Variants in KCTD1 observed in about 807,000 individuals in gnomAD.
The protein encoded by KCTD1 is potassium channel tetramerization domain containing 1.
KCTD1 carries 24 observed loss-of-function variants against 66.0 expected under a neutral mutation model. The ratio of observed to expected loss-of-function variants is 0.36; its 90% CI spans 0.26 to 0.51. The LOEUF (loss-of-function observed/expected upper bound fraction) is 0.51. Ranked by LOEUF, KCTD1 falls within the 20% of genes least tolerant of loss-of-function variation. The probability of loss-of-function intolerance (pLI) is 0.95; values close to 1 mark genes in which losing one functional copy is unlikely to be tolerated. For synonymous variants in KCTD1, 511 were observed against 517.2 expected (o/e 0.99, Z 0.16); for missense variants, 943 against 1,205.2 (o/e 0.78, Z 3.22).
intron 1 of KCTD1, among the ~76,000 whole-genome samples, chr18:26,647,542 A>G (rs1463792023): frequency 4.6e-5 from 5 of 107,852 alleles, no homozygotes; most frequent in African/African-American, 1.6e-4. Context: ...AAAAAAAAAA[A>G]AAAAAAAAAA....
intron 1 of KCTD1, among the ~76,000 whole-genome samples, chr18:26,615,062 TAGA>T (rs1362929887): frequency 1.3e-5 from 2 of 152,150 alleles, no homozygotes; most frequent in Non-Finnish European, 2.9e-5. Flanking sequence ...ATGCAATCAG[TAGA>T]AGGACAGAAT....
intron 4 of KCTD1, chr18:26,456,695 G>T (rs1373970751): frequency 6.6e-6 from 1 of 152,006 alleles, no homozygotes; most frequent in Non-Finnish European, 1.5e-5. Flanking sequence ...AAAACCTAAC[G>T]CCAGCAAGAT....
chr18:26,648,379 C>A (rs1461157214), intron 1 of KCTD1, among the ~76,000 whole-genome samples: 1 of 152,076 alleles, frequency 6.6e-6, no homozygotes, highest in African/African-American at 2.4e-5. Context: ...GAGCATAAGC[C>A]CCATATACTC....
chr18:26,550,882 C>T (rs1985539188), upstream of KCTD1, among the ~76,000 whole-genome samples: 1 of 152,224 alleles, frequency 6.6e-6, no homozygotes. This position sits in a 1 kb window ranked among gnomAD's most constrained non-coding sequence, Gnocchi z 5.4. Flanking sequence ...TTTCGGGCCG[C>T]GGTGCGGAGA....
At chr18:26,548,832 G>GAA, upstream of KCTD1, 1 of 959,422 alleles carries the variant, frequency 1.0e-6, no homozygotes, top group Non-Finnish European at 1.3e-6. Flanking sequence ...AACTTTGAAG[G>GAA]AAAAAAAAAA....
chr18:26,559,653 A>G (rs990142183), intron 1 of KCTD1, among the ~76,000 whole-genome samples: 17 of 152,186 alleles, frequency 1.1e-4, no homozygotes, highest in African/African-American at 3.9e-4. Context: ...CTCTGGGTCA[A>G]TTCAGGAGGA....
chr18:26,632,524 T>C (rs576917538), upstream of KCTD1, among the ~76,000 whole-genome samples: 2 of 152,202 alleles, frequency 1.3e-5, no homozygotes, highest in African/African-American at 2.4e-5. Context: ...AAATAAACAA[T>C]TGGAAAGAAG....
chr18:26,475,988 A>G (rs867332037), intron 3 of KCTD1, among the ~76,000 whole-genome samples: 11 of 152,254 alleles, frequency 7.2e-5, no homozygotes, highest in Admixed American at 5.9e-4. Flanking sequence ...GTCAGCTGCA[A>G]AAATTACATT....
intron 3 of KCTD1, among the ~76,000 whole-genome samples, chr18:26,464,651 T>C (rs1293333259): frequency 1.3e-5 from 2 of 152,234 alleles, no homozygotes; most frequent in Non-Finnish European, 1.5e-5. Flanking sequence ...TTTTAAAAAC[T>C]GTGTAGGTGC....
At chr18:26,514,265 GGA>G (rs1283387542) in intron 1 of KCTD1, among the ~76,000 whole-genome samples, 1 of 152,130 alleles carries the variant, frequency 6.6e-6, no homozygotes, top group Non-Finnish European at 1.5e-5. Context: ...GTGTGGGGGA[GGA>G]GAGAGCCAAG....
At chr18:26,567,488 GT>G (rs201110977) in intron 1 of KCTD1, among the ~76,000 whole-genome samples, 45,098 of 112,492 alleles carry the variant, frequency 0.4, 7,294 homozygotes, top group Non-Finnish European at 0.47. Context: ...TGTTGTTGTT[GT>G]TTTTTTTTTT....
chr18:26,508,728 TCACA>T (rs33932453), intron 1 of KCTD1, among the ~76,000 whole-genome samples: 96 of 150,216 alleles, frequency 6.4e-4, no homozygotes, highest in South Asian at 5.1e-3. Flanking sequence ...TCTCTCTCTC[TCACA>T]CACACACACA....
intron 1 of KCTD1, among the ~76,000 whole-genome samples, chr18:26,524,228 C>G (rs1305240130): frequency 6.6e-6 from 1 of 152,122 alleles, no homozygotes; most frequent in African/African-American, 2.4e-5. Flanking sequence ...GGAACAGCTC[C>G]CAGGACCACA....
At chr18:26,470,644 G>C (rs1375831752) in intron 3 of KCTD1, among the ~76,000 whole-genome samples, 1 of 152,260 alleles carries the variant, frequency 6.6e-6, no homozygotes, top group Non-Finnish European at 1.5e-5. Flanking sequence ...GTAAGCCGCT[G>C]TTAATTGGCT....
intron 1 of KCTD1, chr18:26,655,920 C>G (rs1249849342): frequency 6.6e-6 from 1 of 152,290 alleles, no homozygotes; most frequent in Non-Finnish European, 1.5e-5. Flanking sequence ...TTCACCATTA[C>G]GCGCCCCCCA....
intron 1 of KCTD1, among the ~76,000 whole-genome samples, chr18:26,571,768 T>C (rs1243804139): frequency 2.0e-5 from 3 of 152,172 alleles, no homozygotes; most frequent in East Asian, 3.8e-4. Flanking sequence ...GCATAGTAAC[T>C]GGCATTCATA....
At chr18:26,500,844 C>T (rs1324322077) in intron 2 of KCTD1, among the ~76,000 whole-genome samples, 1 of 152,162 alleles carries the variant, frequency 6.6e-6, no homozygotes, top group East Asian at 1.9e-4. Context: ...GTATTCCATT[C>T]TCCTGTGACA....
intron 1 of KCTD1, among the ~76,000 whole-genome samples, chr18:26,506,517 G>A (rs760676077): frequency 5.3e-5 from 8 of 152,180 alleles, no homozygotes; most frequent in Non-Finnish European, 7.3e-5. Flanking sequence ...GTACCTTTCA[G>A]AAATTAAAAG....
intron 1 of KCTD1, among the ~76,000 whole-genome samples, chr18:26,597,245 C>T (rs536688270): frequency 6.6e-6 from 1 of 151,880 alleles, no homozygotes; most frequent in African/African-American, 2.4e-5. Context: ...AGCACAAGGG[C>T]ATCCCATAAA....
Sources: gnomAD v4.1 joint callset for allele counts (sites outside exome capture counted in the v4.1 genomes callset) on GRCh38, gnomAD v4.1.1 for gene constraint, Gnocchi (gnomAD v3.1) non-coding constraint, MANE v1.5 for transcripts, NCBI Gene and HGNC (gene_info 2026-07-23, HGNC 2026-07-21) for gene names.